The following TSPEAR variants were observed in gnomAD, a reference collection of about 807,000 sequenced individuals.
TSPEAR encodes thrombospondin type laminin G domain and EAR repeats.
TSPEAR carries 69 observed loss-of-function variants against 71.6 expected under a neutral mutation model. The ratio of observed to expected loss-of-function variants is 0.96; its 90% CI spans 0.79 to 1.18. TSPEAR has a LOEUF of 1.18. TSPEAR is among the 50% of genes most tolerant of loss of function. The pLI, the probability that TSPEAR is intolerant of heterozygous loss-of-function variation, is 0.00. For missense variants in TSPEAR, 971 were observed against 894.9 expected, an observed-to-expected ratio of 1.09 and a Z score of -1.09; for synonymous variants, 402 against 387.2, an observed-to-expected ratio of 1.04 and a Z score of -0.45.
intron 1 of TSPEAR, chr21:44,666,196 G>A: frequency 2.0e-6 from 1 of 499,454 alleles, no homozygotes. Flanking sequence ...AGCTGCATGG[G>A]GAAAGCTGGT....
At chr21:44,507,998 T>TAAGA (rs1334816202) in intron 10 of TSPEAR, 3 of 152,166 alleles carry the variant, frequency 2.0e-5, no homozygotes, top group Admixed American at 6.5e-5. Flanking sequence ...ATCATATAAG[T>TAAGA]AAGATATTAG....
At chr21:44,679,796 C>T (rs1986492989) in intron 1 of TSPEAR, among the ~76,000 whole-genome samples, 1 of 152,078 alleles carries the variant, frequency 6.6e-6, no homozygotes, top group Admixed American at 6.5e-5. Flanking sequence ...GAAAGGACAC[C>T]CCTTCAATAA....
chr21:44,626,078 T>C (rs61375020), intron 1 of TSPEAR, among the ~76,000 whole-genome samples: 21,843 of 152,302 alleles, frequency 0.14, 3,019 homozygotes, highest in African/African-American at 0.36. Context: ...TTTCCAGCTT[T>C]GCCAGATTCA....
intron 1 of TSPEAR, among the ~76,000 whole-genome samples, chr21:44,633,042 G>T (rs1168229463): frequency 6.6e-6 from 1 of 150,876 alleles, no homozygotes; most frequent in Non-Finnish European, 1.5e-5. Context: ...TTCTCTTATA[G>T]TCTTTTTTAT....
At chr21:44,637,717 T>TGTGCCCGTCTGCTGC (rs782019885) in intron 1 of TSPEAR, 13 of 848,614 alleles carry the variant, frequency 1.5e-5, no homozygotes, top group South Asian at 5.7e-5. Flanking sequence ...CTGTCTGCTG[T>TGTGCCCGTCTGCTGC]GTGCCCGTCT....
At chr21:44,601,815 AC>A in intron 1 of TSPEAR, 1 of 1,536,296 alleles carries the variant, frequency 6.5e-7, no homozygotes, top group Non-Finnish European at 8.8e-7. Flanking sequence ...ACGGCTCTCC[AC>A]ATCCCGCTCC....
At chr21:44,530,995 TCCC>T in intron 4 of TSPEAR, 45 bp downstream of exon 4, 1 of 1,485,314 alleles carries the variant, frequency 6.7e-7, no homozygotes, top group Non-Finnish European at 9.4e-7. Context: ...CCTGGGGCAG[TCCC>T]ATCCCGCAGC....
At chr21:44,569,551 C>T (rs587647692) in intron 1 of TSPEAR, among the ~76,000 whole-genome samples, 59 of 152,176 alleles carry the variant, frequency 3.9e-4, no homozygotes, top group African/African-American at 1.4e-3. Context: ...GTGTGTGACC[C>T]ACAGCACCAG....
intron 1 of TSPEAR, among the ~76,000 whole-genome samples, chr21:44,572,834 GACACACAC>G (rs71199612): frequency 0.1 from 12,709 of 124,708 alleles, 668 homozygotes; most frequent in Admixed American, 0.12. Context: ...GGGAGATTTG[GACACACAC>G]ACACACACAC....
At chr21:44,686,613 C>G (rs4818961) in intron 1 of TSPEAR, 94,730 of 152,824 alleles carry the variant, frequency 0.62, 29,567 homozygotes, top group South Asian at 0.71. Flanking sequence ...GCCTGCAGAC[C>G]TGTGACCTGC....
chr21:44,538,776 G>T (rs2053142379), intron 2 of TSPEAR, among the ~76,000 whole-genome samples: 1 of 152,204 alleles, frequency 6.6e-6, no homozygotes, highest in Non-Finnish European at 1.5e-5. Flanking sequence ...CCAGGCTCAG[G>T]AAGACCCGGG....
intron 1 of TSPEAR, among the ~76,000 whole-genome samples, chr21:44,630,436 A>T (rs1429757114): frequency 6.6e-6 from 1 of 152,160 alleles, no homozygotes; most frequent in Non-Finnish European, 1.5e-5. Context: ...ACCCCAAAAA[A>T]CCTGGGAGGA....
intron 1 of TSPEAR, among the ~76,000 whole-genome samples, chr21:44,607,703 T>C (rs1226786592): frequency 1.3e-5 from 2 of 152,138 alleles, no homozygotes; most frequent in African/African-American, 4.8e-5. Flanking sequence ...AGATGACCAA[T>C]ACCGAGTGTC....
At chr21:44,615,332 AAG>A (rs373088082) in intron 1 of TSPEAR, among the ~76,000 whole-genome samples, 150 of 152,344 alleles carry the variant, frequency 9.8e-4, no homozygotes, top group African/African-American at 3.3e-3. Context: ...CAGGCTGCGG[AAG>A]AGAGTCCAGG....
intron 1 of TSPEAR, chr21:44,573,842 G>T: frequency 6.2e-7 from 1 of 1,614,192 alleles, no homozygotes. Context: ...ACTCCTGGCA[G>T]GTGGACGACT....
intron 1 of TSPEAR, among the ~76,000 whole-genome samples, chr21:44,670,560 G>T (rs1986007642): frequency 1.3e-5 from 2 of 152,156 alleles, no homozygotes; most frequent in South Asian, 4.1e-4. Flanking sequence ...AATGGTAAAT[G>T]AGAGATTCCC....
At chr21:44,534,121 G>A (rs1030857848) in intron 2 of TSPEAR, among the ~76,000 whole-genome samples, 198 bp from the exon 3 acceptor site, 2 of 122,508 alleles carry the variant, frequency 1.6e-5, no homozygotes, top group East Asian at 2.2e-4. Context: ...CTAATGGGGA[G>A]GGATGGGGTT....
intron 1 of TSPEAR, among the ~76,000 whole-genome samples, chr21:44,631,564 A>C (rs969439351): frequency 6.6e-6 from 1 of 152,120 alleles, no homozygotes; most frequent in African/African-American, 2.4e-5. Flanking sequence ...CTAAAAATAA[A>C]ATAAATAAAT....
intron 1 of TSPEAR, among the ~76,000 whole-genome samples, chr21:44,640,316 T>C (rs587688048): frequency 6.6e-6 from 1 of 152,298 alleles, no homozygotes; most frequent in East Asian, 1.9e-4. Context: ...TGGGATTCTA[T>C]TTGTATGAAA....
Sources: allele counts gnomAD v4.1 joint callset (sites outside exome capture counted in the v4.1 genomes callset), GRCh38; gene constraint gnomAD v4.1.1; transcripts MANE v1.5; gene names NCBI Gene and HGNC (gene_info 2026-07-23, HGNC 2026-07-21).